Variants in SNX25 observed in about 807,000 individuals in gnomAD.
SNX25 encodes sorting nexin 25.
Under a neutral mutation model 113.7 loss-of-function variants are expected in SNX25, and 62 were observed. That is an observed-to-expected ratio of 0.55 (90% CI 0.44 to 0.67). The LOEUF is 0.67. Among genes scored for constraint, SNX25 ranks in the 30% least tolerant of loss-of-function variants. SNX25 has a pLI of 0.00. For synonymous variants in SNX25, 421 were observed against 436.2 expected (o/e 0.97, Z 0.43); for missense variants, 1,014 against 1,161.0 (o/e 0.87, Z 1.84).
chr4:185,262,365 C>T (rs1406833579), intron 3 of SNX25, among the ~76,000 whole-genome samples: 3 of 152,144 alleles, frequency 2.0e-5, no homozygotes, highest in African/African-American at 7.2e-5. Flanking sequence ...AAAATGATTG[C>T]TTTTATACTA....
chr4:185,372,834 C>T (rs2095420444), downstream of SNX25: 2 of 1,559,762 alleles, frequency 1.3e-6, no homozygotes, highest in African/African-American at 2.7e-5. Context: ...TACAGCAGCA[C>T]AGAACAGACA....
chr4:185,337,128 C>T (rs1293512544), intron 10 of SNX25, among the ~76,000 whole-genome samples: 1 of 152,024 alleles, frequency 6.6e-6, no homozygotes, highest in Non-Finnish European at 1.5e-5. Flanking sequence ...GTTATTTCTG[C>T]TGATTATTTC....
At chr4:185,237,448 G>A (rs1015473508) in intron 1 of SNX25, among the ~76,000 whole-genome samples, 2 of 152,148 alleles carry the variant, frequency 1.3e-5, no homozygotes, top group Non-Finnish European at 1.5e-5. Flanking sequence ...GTTATGCTGT[G>A]TCTTACTGGT....
At chr4:185,231,813 G>C (rs1741918506) in intron 1 of SNX25, among the ~76,000 whole-genome samples, 1 of 152,202 alleles carries the variant, frequency 6.6e-6, no homozygotes, top group South Asian at 2.1e-4. Context: ...CTAGATCTGG[G>C]CTGGAGTAAA....
At chr4:185,349,956 C>G (rs2095307154) in intron 13 of SNX25, among the ~76,000 whole-genome samples, 1 of 152,228 alleles carries the variant, frequency 6.6e-6, no homozygotes, top group African/African-American at 2.4e-5. Flanking sequence ...CTGATCCATC[C>G]TCACATACAG....
intron 1 of SNX25, among the ~76,000 whole-genome samples, chr4:185,220,840 C>A (rs1412472212): frequency 6.6e-6 from 1 of 151,984 alleles, no homozygotes; most frequent in Non-Finnish European, 1.5e-5. Flanking sequence ...CAAGTCCTGT[C>A]CTTTTACCTC....
At chr4:185,254,183 A>G (rs1016489367) in intron 2 of SNX25, among the ~76,000 whole-genome samples, 2 of 152,176 alleles carry the variant, frequency 1.3e-5, no homozygotes, top group Non-Finnish European at 2.9e-5. Flanking sequence ...AGTGACATGC[A>G]ATATGTATAC....
chr4:185,272,186 G>A (rs565232189), intron 5 of SNX25, among the ~76,000 whole-genome samples: 6 of 152,260 alleles, frequency 3.9e-5, no homozygotes, highest in East Asian at 3.9e-4. Context: ...CCTTGGTTCC[G>A]GATATTAAAG....
chr4:185,333,465 C>G (rs191300642), intron 10 of SNX25, among the ~76,000 whole-genome samples: 43 of 152,290 alleles, frequency 2.8e-4, no homozygotes, highest in African/African-American at 8.7e-4. Flanking sequence ...CCTATTGAGT[C>G]TTCTTTAGTA....
At chr4:185,220,514 G>A (rs944422722) in intron 1 of SNX25, among the ~76,000 whole-genome samples, 1 of 131,592 alleles carries the variant, frequency 7.6e-6, no homozygotes, top group Non-Finnish European at 1.6e-5. Context: ...ATGGAGTCTC[G>A]CTCTGTCACC....
At chr4:185,312,588 T>C (rs2126668452) in intron 7 of SNX25, among the ~76,000 whole-genome samples, 1 of 151,882 alleles carries the variant, frequency 6.6e-6, no homozygotes, top group Admixed American at 6.6e-5. Flanking sequence ...ATTGGCGCGA[T>C]ATCGGCTCAC....
intron 2 of SNX25, among the ~76,000 whole-genome samples, chr4:185,254,456 G>C (rs1419256193): frequency 6.6e-6 from 1 of 152,172 alleles, no homozygotes; most frequent in Non-Finnish European, 1.5e-5. Flanking sequence ...GGCAGGACAT[G>C]TATCTCTGAA....
chr4:185,267,807 A>T (rs1748349374), intron 5 of SNX25, among the ~76,000 whole-genome samples: 2 of 152,224 alleles, frequency 1.3e-5, no homozygotes, highest in Non-Finnish European at 2.9e-5. Context: ...TACTAATAAC[A>T]TAAACAGTTG....
At chr4:185,336,929 T>C (rs942388463) in intron 10 of SNX25, among the ~76,000 whole-genome samples, 7 of 152,246 alleles carry the variant, frequency 4.6e-5, no homozygotes, top group African/African-American at 1.4e-4. Flanking sequence ...TGAGCATTTT[T>C]TCATATGCTT....
At chr4:185,365,695 ATAATAATAAT>A (rs2095385563), downstream of SNX25, 5 of 143,314 alleles carry the variant, frequency 3.5e-5, no homozygotes, top group African/African-American at 1.3e-4. Flanking sequence ...AAAAAAAATA[ATAATAATAAT>A]AATAATAATA....
chr4:185,234,548 G>T (rs1293493179), intron 1 of SNX25, among the ~76,000 whole-genome samples: 1 of 71,704 alleles, frequency 1.4e-5, no homozygotes, highest in East Asian at 5.5e-4. Context: ...CGGGCGTGGT[G>T]GCGGGCGCCT....
intron 1 of SNX25, among the ~76,000 whole-genome samples, chr4:185,240,221 C>T (rs897750357): frequency 1.9e-4 from 29 of 152,256 alleles, no homozygotes; most frequent in African/African-American, 6.7e-4. Context: ...CCACCTTTCC[C>T]CCCTTTCTAT....
chr4:185,235,891 G>A (rs1221139019), intron 1 of SNX25, among the ~76,000 whole-genome samples: 1 of 152,208 alleles, frequency 6.6e-6, no homozygotes, highest in Non-Finnish European at 1.5e-5. Flanking sequence ...CAGGTATTCT[G>A]CATGAGTGTG....
chr4:185,369,581 TGTTA>T (rs2095407895), intron 11 of SNX25, among the ~76,000 whole-genome samples: 1 of 152,186 alleles, frequency 6.6e-6, no homozygotes. Context: ...GTTAGACAAC[TGTTA>T]TTCATGCTAA....
Sources: allele counts gnomAD v4.1 joint callset (sites outside exome capture counted in the v4.1 genomes callset), GRCh38; gene constraint gnomAD v4.1.1; transcripts MANE v1.5; gene names NCBI Gene and HGNC (gene_info 2026-07-23, HGNC 2026-07-21).